Variants in HOMER2 observed in about 807,000 individuals in gnomAD.
HOMER2 encodes the protein homer protein homolog 2.
A neutral mutation model predicts 47.0 loss-of-function variants in HOMER2; 27 were observed. The ratio of observed to expected loss-of-function variants is 0.57; its 90% CI spans 0.42 to 0.79. HOMER2 has a LOEUF of 0.79. Among genes scored for constraint, HOMER2 ranks in the 30% least tolerant of loss-of-function variants. The pLI is 0.00. For missense variants in HOMER2, 443 were observed against 435.0 expected, an observed-to-expected ratio of 1.02 and a Z score of -0.16; for synonymous variants, 161 against 163.8, an observed-to-expected ratio of 0.98 and a Z score of 0.13.
chr15:82,950,880 C>T (rs985649606), intron 1 of HOMER2, among the ~76,000 whole-genome samples: 15 of 152,170 alleles, frequency 9.9e-5, no homozygotes, highest in African/African-American at 3.6e-4. Flanking sequence ...ATCTCAACCA[C>T]AGAGTTTCAG....
chr15:82,836,552 C>T (rs2051129288), downstream of HOMER2, among the ~76,000 whole-genome samples: 1 of 152,238 alleles, frequency 6.6e-6, no homozygotes, highest in East Asian at 1.9e-4. Flanking sequence ...GGTCTCAACC[C>T]CACAGCCTTT....
At chr15:82,954,524 C>T (rs1344660560), upstream of HOMER2, among the ~76,000 whole-genome samples, 1 of 150,720 alleles carries the variant, frequency 6.6e-6, no homozygotes, top group East Asian at 2.0e-4. Flanking sequence ...CTCCTGACCT[C>T]GTGATCCACC....
At chr15:82,852,530 G>A in intron 6 of HOMER2, 1 of 351,138 alleles carries the variant, frequency 2.8e-6, no homozygotes, top group Non-Finnish European at 5.1e-6. Context: ...GATGCTCTGG[G>A]CTTCTGGTTT....
intron 1 of HOMER2, among the ~76,000 whole-genome samples, chr15:82,924,272 T>G (rs967530572): frequency 2.0e-5 from 3 of 151,824 alleles, no homozygotes; most frequent in African/African-American, 7.3e-5. Context: ...GAGTTTATTC[T>G]CCCTTTGGAA....
At chr15:82,981,601 G>A (rs538327676) in intron 1 of HOMER2, among the ~76,000 whole-genome samples, 12 of 152,256 alleles carry the variant, frequency 7.9e-5, no homozygotes, top group African/African-American at 2.9e-4. Flanking sequence ...CCAAAAGGAG[G>A]AAGAAACTCA....
chr15:82,890,365 A>G (rs1008552316), intron 2 of HOMER2, among the ~76,000 whole-genome samples: 3 of 151,878 alleles, frequency 2.0e-5, no homozygotes, highest in African/African-American at 7.3e-5. Flanking sequence ...AACAACAAAA[A>G]CCAGGTGGCT....
chr15:82,923,998 G>A (rs2053796112), intron 1 of HOMER2, among the ~76,000 whole-genome samples: 2 of 152,206 alleles, frequency 1.3e-5, no homozygotes, highest in African/African-American at 2.4e-5. Context: ...TGTCAACAAA[G>A]AGGTGAGAGA....
At chr15:82,905,559 C>A (rs1265652669) in intron 1 of HOMER2, among the ~76,000 whole-genome samples, 1 of 151,944 alleles carries the variant, frequency 6.6e-6, no homozygotes, top group Non-Finnish European at 1.5e-5. Context: ...AATTTAAAAT[C>A]TTGAAAAAAG....
Position 82,974,131 on chromosome 15 carries a change from G to A in HOMER2, n.82+11656C>T, listed in dbSNP as rs138218654. ...TAAAAATACTAAAGATCAGCCAGCC[G>A]TGGTAGCTCACACCTGTAATCCCAG... is the stretch of plus-strand genomic sequence containing the variant. On this transcript the variant is annotated intron_variant and non_coding_transcript_variant, in intron 1 of 1. Coordinates refer to the HOMER2 transcript ENST00000500334. Among the ~76,000 whole-genome samples the A allele has an allele frequency of 2.6e-5, 4 of 151,940 alleles. No homozygotes were observed. The East Asian group carries it at 7.8e-4, about 30-fold the overall frequency.
At chr15:82,930,117 T>C (rs1340943164) in intron 1 of HOMER2, among the ~76,000 whole-genome samples, 2 of 152,192 alleles carry the variant, frequency 1.3e-5, no homozygotes, top group Admixed American at 1.3e-4. Context: ...CTCATGGAAC[T>C]ATAAAAGTCT....
intron 1 of HOMER2, among the ~76,000 whole-genome samples, chr15:82,911,035 A>T (rs1429066418): frequency 6.6e-6 from 1 of 152,192 alleles, no homozygotes; most frequent in Non-Finnish European, 1.5e-5. Flanking sequence ...ACATGTGCAA[A>T]GTGCCTTTTT....
rs1451142252 is a variant in HOMER2, at chr15:82,892,831, T to C, written c.16A>G (p.Ile6Val). The C allele has an allele frequency of 1.3e-6, 2 of 1,587,532 alleles. No individual in the cohort carries two copies. Among genetic ancestry groups the C allele is most frequent in the Middle Eastern group, 1.7e-4 (1 of 5,948 alleles). MGEQPIFTTRAHVFQI... is the reference protein window; with the variant it reads MGEQPVFTTRAHVFQI... ...AAGACATGCGCTCGGGTGGTGAAGA[T>C]GGGCTGTTCTCTGCAATAAGAGAGT... The change falls in exon 2 of 9, where the codon ATC (isoleucine) becomes GTC (valine). Residue 6 changes from isoleucine to valine, a missense_variant. Transcript: ENST00000450735.
At chr15:82,903,223 G>A (rs1294271967) in intron 1 of HOMER2, among the ~76,000 whole-genome samples, 3 of 152,162 alleles carry the variant, frequency 2.0e-5, no homozygotes, top group Non-Finnish European at 4.4e-5. Context: ...AGGGACCGAA[G>A]GAAGGGAGTG....
chr15:82,981,418 T>TA (rs1053809251), intron 1 of HOMER2, among the ~76,000 whole-genome samples: 5 of 152,206 alleles, frequency 3.3e-5, no homozygotes, highest in African/African-American at 1.2e-4. Context: ...ATTGGGAATG[T>TA]AAAATGGCAC....
At chr15:82,845,549 T>G (rs931951804), downstream of HOMER2, 1 of 152,222 alleles carries the variant, frequency 6.6e-6, no homozygotes, top group Non-Finnish European at 1.5e-5. Flanking sequence ...AAAATATACA[T>G]GGACATTGAT....
At chr15:82,867,902 GAT>G (rs879816571) in intron 3 of HOMER2, among the ~76,000 whole-genome samples, 1 of 152,094 alleles carries the variant, frequency 6.6e-6, no homozygotes, top group Non-Finnish European at 1.5e-5. Flanking sequence ...CTAGGAGAAT[GAT>G]AGAGAGAAAC....
chr15:82,897,069 T>TTTTC (rs2052952338), intron 1 of HOMER2, among the ~76,000 whole-genome samples: 1 of 128,764 alleles, frequency 7.8e-6, no homozygotes, highest in Admixed American at 7.3e-5. Flanking sequence ...TCATTTCTTT[T>TTTTC]TTTTTTTTTT....
At chr15:82,875,152 G>A (rs993750087) in intron 3 of HOMER2, 121 bp downstream of exon 3, 44 of 1,153,520 alleles carry the variant, frequency 3.8e-5, no homozygotes, top group Non-Finnish European at 5.3e-5. Flanking sequence ...ATGCCAGGAG[G>A]AGTGAAACCA....
chr15:82,895,739 A>C (rs1380070230), intron 1 of HOMER2, among the ~76,000 whole-genome samples: 2 of 152,128 alleles, frequency 1.3e-5, no homozygotes, highest in African/African-American at 2.4e-5. Context: ...ATCAGAAAAG[A>C]GGGATTGGGT....
Sources: allele counts gnomAD v4.1 joint callset (sites outside exome capture counted in the v4.1 genomes callset), GRCh38; gene constraint gnomAD v4.1.1; transcripts MANE v1.5; gene names NCBI Gene and HGNC (gene_info 2026-07-23, HGNC 2026-07-21).